The following RAB32 variants were observed in gnomAD, a reference collection of about 807,000 sequenced individuals.
The protein encoded by RAB32 is ras-related protein Rab-32.
RAB32 carries 17 observed loss-of-function variants against 17.5 expected under a neutral mutation model. That is an observed-to-expected ratio of 0.97 (90% CI 0.67 to 1.46). RAB32 has a LOEUF of 1.46. Among genes scored for constraint, RAB32 ranks in the 40% most tolerant of loss-of-function variants. The probability of loss-of-function intolerance (pLI) is 0.00; values close to 1 mark genes in which losing one functional copy is unlikely to be tolerated. For synonymous variants in RAB32, 115 were observed against 111.1 expected (o/e 1.04, Z -0.22); for missense variants, 288 against 284.3 (o/e 1.01, Z -0.09).
intron 1 of RAB32, among the ~76,000 whole-genome samples, chr6:146,546,442 AC>A (rs1243909242): frequency 2.0e-5 from 3 of 148,638 alleles, no homozygotes; most frequent in African/African-American, 4.9e-5. Context: ...CAAAAAAAAA[AC>A]AAAAAAAACT....
intron 1 of RAB32, among the ~76,000 whole-genome samples, chr6:146,546,443 CAAAA>C (rs199999617): frequency 1.4e-5 from 2 of 146,100 alleles, no homozygotes; most frequent in African/African-American, 5.1e-5. Flanking sequence ...AAAAAAAAAA[CAAAA>C]AAAACTGTTT....
rs3804283 is a variant in RAB32, at chr6:146,552,093, C to T, written c.528+2352C>T. Among the ~76,000 whole-genome samples the T allele has an allele frequency of 2.2e-3, 331 of 152,202 alleles. 6 individuals are homozygous for T. The East Asian group carries it at 0.057, about 26-fold the overall frequency. On this transcript the variant is annotated intron_variant, in intron 2 of 2. Coordinates refer to ENST00000367495, the MANE Select transcript of RAB32 (RefSeq NM_006834.5). ...ATCCGAATTTCACTAGGAACATAGGCAAAAGATAACTTTTGCAAATAAATT... is the reference window on the plus strand; with the variant it reads ...ATCCGAATTTCACTAGGAACATAGGTAAAAGATAACTTTTGCAAATAAATT...
chr6:146,545,733 G>A (rs375498707), intron 1 of RAB32, among the ~76,000 whole-genome samples: 1 of 152,028 alleles, frequency 6.6e-6, no homozygotes, highest in South Asian at 2.1e-4. Flanking sequence ...AAGTTTTTTC[G>A]AAACACTTCC....
At chr6:146,552,658 G>A (rs1779911218) in intron 2 of RAB32, among the ~76,000 whole-genome samples, 2 of 152,214 alleles carry the variant, frequency 1.3e-5, no homozygotes, top group Admixed American at 6.5e-5. Context: ...GTATACATAC[G>A]TTTATTTACT....
intron 1 of RAB32, among the ~76,000 whole-genome samples, chr6:146,546,372 G>A: frequency 6.6e-6 from 1 of 151,322 alleles, no homozygotes; most frequent in Admixed American, 6.6e-5. Flanking sequence ...GATTTTCAGA[G>A]ATAGAATTTT....
intron 2 of RAB32, among the ~76,000 whole-genome samples, chr6:146,550,724 T>TGGG (rs139243497): frequency 3.3e-4 from 41 of 125,108 alleles, no homozygotes; most frequent in African/African-American, 1.2e-3. Context: ...ATAAAATGTT[T>TGGG]GGGGGGGGGG....
chr6:146,547,632 T>C (rs976380177), intron 1 of RAB32, among the ~76,000 whole-genome samples: 2 of 151,476 alleles, frequency 1.3e-5, no homozygotes, highest in African/African-American at 4.9e-5. Flanking sequence ...GTATACCTAG[T>C]AATATCCCTT....
At chr6:146,545,747 C>G (rs147589382) in intron 1 of RAB32, among the ~76,000 whole-genome samples, 8 of 152,228 alleles carry the variant, frequency 5.3e-5, no homozygotes, top group African/African-American at 1.9e-4. Flanking sequence ...CACTTCCTGC[C>G]GTTGCACAGA....
chr6:146,545,641 T>G (rs1779810547), intron 1 of RAB32, among the ~76,000 whole-genome samples: 1 of 152,184 alleles, frequency 6.6e-6, no homozygotes, highest in South Asian at 2.1e-4. Context: ...AAAGGAGTAA[T>G]CAGCCAGGGA....
At chr6:146,553,411 C>T (rs78324484) in intron 2 of RAB32, among the ~76,000 whole-genome samples, 2,413 of 152,212 alleles carry the variant, frequency 0.016, 24 homozygotes, top group Non-Finnish European at 0.023. Flanking sequence ...CAGGGTACAT[C>T]ACTTGTGTTT....
intron 2 of RAB32, among the ~76,000 whole-genome samples, chr6:146,553,566 A>G (rs909911946): frequency 3.9e-5 from 6 of 152,184 alleles, no homozygotes; most frequent in Non-Finnish European, 7.3e-5. Context: ...CGAGAGTAAA[A>G]GAGACCAGGG....
chr6:146,549,483 C>T lies in RAB32; in HGVS notation c.270C>T (p.Asn90=). 1 of 1,613,802 alleles carries T rather than the reference C, an allele frequency of 6.2e-7. No individual in the cohort carries two copies. Among genetic ancestry groups the T allele is most frequent in the Non-Finnish European group, 8.5e-7 (1 of 1,179,780 alleles). ...GTCTAGGGCAGGAGCGATTTGGCAA[C>T]ATGACCCGAGTATACTACAAGGAAG... ...WDIAGQERFG[N]MTRVYYKEAV... The change falls in exon 2 of 3, where the codon AAC becomes AAT. Residue 90 remains asparagine (N), a synonymous_variant. Transcript: ENST00000367495.
Position 146,543,923 on chromosome 6 carries a change from G to A in RAB32, c.52G>A (p.Ala18Thr), listed in dbSNP as rs758647031. The change falls in exon 1 of 3, where the codon GCG becomes ACG. Residue 18 changes from alanine (A) to threonine (T), a missense_variant. Coordinates refer to ENST00000367495, the MANE Select transcript of RAB32 (RefSeq NM_006834.5). ...DPGLGAAAAP[A>T]PETREHLFKV... Reference sequence around the variant, plus strand: ...CGGCCTGGGGGCGGCCGCCGCCCCAGCGCCCGAGACCCGCGAGCACCTCTT... The same window carrying A: ...CGGCCTGGGGGCGGCCGCCGCCCCAACGCCCGAGACCCGCGAGCACCTCTT... The A allele has an allele frequency of 6.2e-7, 1 of 1,600,004 alleles. No homozygotes were observed. Among genetic ancestry groups the A allele is most frequent in the South Asian group, 1.1e-5 (1 of 90,296 alleles).
chr6:146,544,438 G>A (rs1779796237), intron 1 of RAB32, among the ~76,000 whole-genome samples: 1 of 152,074 alleles, frequency 6.6e-6, no homozygotes, highest in South Asian at 2.1e-4. Flanking sequence ...ACATACACCA[G>A]GACTAGTTGA....
At chr6:146,552,741 C>T (rs1054395240) in intron 2 of RAB32, among the ~76,000 whole-genome samples, 2 of 152,140 alleles carry the variant, frequency 1.3e-5, no homozygotes, top group African/African-American at 2.4e-5. Context: ...GCTCAAAATT[C>T]GGTTTTTAAA....
intron 2 of RAB32, among the ~76,000 whole-genome samples, chr6:146,551,969 T>TA (rs1405803304): frequency 1.3e-5 from 2 of 152,300 alleles, no homozygotes; most frequent in African/African-American, 4.8e-5. Context: ...TTAAAAATCT[T>TA]AGAGTTAAGG....
At position 146,544,171 on chromosome 6, in the gene RAB32, G is replaced by C. The variant is rs1459407640; in HGVS notation, c.250+50G>C. 2.0e-6 allele frequency: 3 copies of C among 1,536,080 alleles called. No individual in the cohort carries two copies. The African/African-American group carries it at 4.2e-5, about 21-fold the overall frequency. On this transcript the variant is annotated intron_variant, in intron 1 of 2. Transcript: ENST00000367495. ...CTCCAGAGCCCCGCCGGGCCGCCTG[G>C]CTCCTCTCTGCTTCTTTTCTTTTTC...
intron 2 of RAB32, among the ~76,000 whole-genome samples, chr6:146,553,498 G>A (rs1351041954): frequency 1.3e-5 from 2 of 152,068 alleles, no homozygotes. Flanking sequence ...TATATTCACC[G>A]GCCAGTGCTC....
chr6:146,554,755 C>G lies in RAB32; in HGVS notation c.*150C>G. On this transcript the variant is annotated 3_prime_UTR_variant, in exon 3 of 3. Transcript: ENST00000367495. ...CGCCTGCACTTATTTGAAAATGGAACTTTGGGAGAAGTATCCCTGCTAGTG... is the reference window on the plus strand; with the variant it reads ...CGCCTGCACTTATTTGAAAATGGAAGTTTGGGAGAAGTATCCCTGCTAGTG... 1.4e-6 allele frequency: 1 copy of G among 736,566 alleles called. No individual in the cohort carries two copies. The highest frequency in any genetic ancestry group is 2.6e-5 in the South Asian group (1 of 39,152). The allele number at this position is 736,566 out of a possible 1,614,324, so 45.6% of individuals were successfully genotyped here.
Sources: allele counts gnomAD v4.1 joint callset (sites outside exome capture counted in the v4.1 genomes callset), GRCh38; gene constraint gnomAD v4.1.1; transcripts MANE v1.5; gene names NCBI Gene and HGNC (gene_info 2026-07-23, HGNC 2026-07-21).